Variants in FSHR observed in about 807,000 individuals in gnomAD.
The protein encoded by FSHR is follicle stimulating hormone receptor.
FSHR carries 46 observed loss-of-function variants against 52.1 expected under a neutral mutation model. That is an observed-to-expected ratio of 0.88 (90% CI 0.70 to 1.13). The LOEUF is 1.13. Among genes scored for constraint, FSHR ranks in the 50% most tolerant of loss-of-function variants. FSHR has a pLI of 0.00. For missense variants in FSHR, 964 were observed against 834.6 expected, an observed-to-expected ratio of 1.16 and a Z score of -1.91; for synonymous variants, 399 against 309.6, an observed-to-expected ratio of 1.29 and a Z score of -3.03.
chr2:48,982,347 C>T lies in FSHR; in HGVS notation c.668+565G>A, dbSNP rs74679209. On this transcript the variant is annotated intron_variant, in intron 8 of 9. Transcript: ENST00000406846. ...GGTGCTGATGCAGGGCTGTGAGGCA[C>T]GGAATGCATCCCAAGGGATTTGGAA... 3.5e-3 allele frequency among the ~76,000 whole-genome samples: 530 copies of T among 152,138 alleles called. 4 individuals are homozygous for T. The highest frequency in any genetic ancestry group is 0.012 in the African/African-American group (509 of 41,500).
chr2:49,042,335 A>G (rs959686197), intron 2 of FSHR, among the ~76,000 whole-genome samples: 1 of 152,166 alleles, frequency 6.6e-6, no homozygotes, highest in Non-Finnish European at 1.5e-5. Flanking sequence ...AAACCAGACT[A>G]GATAACAATG....
intron 1 of FSHR, among the ~76,000 whole-genome samples, chr2:49,076,474 T>C (rs969352247): frequency 2.0e-5 from 3 of 152,136 alleles, no homozygotes; most frequent in African/African-American, 7.2e-5. Flanking sequence ...ACTGGGTCCT[T>C]CCCATAACAC....
intron 4 of FSHR, among the ~76,000 whole-genome samples, chr2:48,997,953 C>T (rs999050888): frequency 1.3e-5 from 2 of 152,096 alleles, no homozygotes; most frequent in Non-Finnish European, 2.9e-5. Context: ...CTCTAATTGC[C>T]TTCTGCTTCC....
intron 1 of FSHR, among the ~76,000 whole-genome samples, chr2:49,114,942 C>G (rs915900061): frequency 1.3e-5 from 2 of 151,688 alleles, no homozygotes; most frequent in Admixed American, 6.6e-5. Flanking sequence ...GCAATCATTG[C>G]CCAGTGCTAA....
intron 1 of FSHR, among the ~76,000 whole-genome samples, chr2:49,089,025 A>G (rs2103684062): frequency 6.6e-6 from 1 of 152,074 alleles, no homozygotes; most frequent in East Asian, 1.9e-4. Context: ...GCATAAAACT[A>G]TAATAGATTC....
At chr2:49,150,387 T>C (rs1673019224) in intron 1 of FSHR, among the ~76,000 whole-genome samples, 1 of 152,224 alleles carries the variant, frequency 6.6e-6, no homozygotes, top group African/African-American at 2.4e-5. Context: ...TCATATCTCT[T>C]GACTGACTTG....
At chr2:49,105,494 G>T (rs1358621257) in intron 1 of FSHR, among the ~76,000 whole-genome samples, 1 of 151,962 alleles carries the variant, frequency 6.6e-6, no homozygotes, top group Non-Finnish European at 1.5e-5. Flanking sequence ...AAAAACAAAG[G>T]TTGGCAATTA....
At chr2:49,007,088 A>C (rs1032082199) in intron 4 of FSHR, among the ~76,000 whole-genome samples, 4 of 152,120 alleles carry the variant, frequency 2.6e-5, no homozygotes, top group Admixed American at 2.6e-4. Flanking sequence ...TCACTTCAAA[A>C]AGGATGGAGG....
At chr2:49,127,879 TCTTCTTC>T (rs1672112758) in intron 1 of FSHR, among the ~76,000 whole-genome samples, 1 of 49,066 alleles carries the variant, frequency 2.0e-5, no homozygotes, top group East Asian at 8.5e-4. Flanking sequence ...TTCTTCTTCT[TCTTCTTC>T]TTCTTCTTCT....
In FSHR at chr2:49,140,622, C is replaced by T. The variant is rs559196301; in HGVS notation, c.152+13644G>A. Among the ~76,000 whole-genome samples the T allele has an allele frequency of 4.6e-5, 7 of 152,010 alleles. No individual in the cohort carries two copies. The South Asian group carries it at 1.5e-3, about 32-fold the overall frequency. ...GGCTGAGGCAGGAGAATCACTTGAA[C>T]CCAAGAGGCAGAGGTTGCAGTGAGC... is the stretch of plus-strand genomic sequence containing the variant. On this transcript the variant is annotated intron_variant, in intron 1 of 9. Coordinates refer to ENST00000406846, the MANE Select transcript of FSHR (RefSeq NM_000145.4).
intron 1 of FSHR, among the ~76,000 whole-genome samples, chr2:49,112,512 C>G (rs1350319132): frequency 6.6e-6 from 1 of 152,116 alleles, no homozygotes. Flanking sequence ...ATTTGCTGTA[C>G]ATTTTTTAAT....
intron 1 of FSHR, among the ~76,000 whole-genome samples, chr2:49,130,263 A>G (rs1224654908): frequency 6.6e-6 from 1 of 152,182 alleles, no homozygotes; most frequent in African/African-American, 2.4e-5. Context: ...CATACTTAAC[A>G]TGGGTGAGCC....
chr2:49,041,771 C>G (rs572903397), intron 2 of FSHR, among the ~76,000 whole-genome samples: 1 of 151,712 alleles, frequency 6.6e-6, no homozygotes, highest in South Asian at 2.1e-4. Flanking sequence ...AACTTCCTTC[C>G]TTTCTCAGCA....
intron 2 of FSHR, among the ~76,000 whole-genome samples, chr2:49,023,993 A>G (rs995792969): frequency 2.0e-5 from 3 of 152,188 alleles, no homozygotes; most frequent in Non-Finnish European, 4.4e-5. Context: ...GAATAAGCAT[A>G]CAGAATTTGG....
intron 1 of FSHR, among the ~76,000 whole-genome samples, chr2:49,069,448 T>C (rs1669647278): frequency 1.3e-5 from 2 of 152,146 alleles, no homozygotes; most frequent in South Asian, 2.1e-4. Flanking sequence ...CCAGACCCTC[T>C]TTCCTGCTGC....
chr2:49,031,694 GC>G (rs1481580315), intron 2 of FSHR, among the ~76,000 whole-genome samples: 1 of 152,188 alleles, frequency 6.6e-6, no homozygotes, highest in African/African-American at 2.4e-5. Flanking sequence ...CAGCCAGGCA[GC>G]AGAGGTAGCA....
chr2:49,022,770 T>G (rs1182540839), intron 2 of FSHR, among the ~76,000 whole-genome samples: 1 of 152,140 alleles, frequency 6.6e-6, no homozygotes, highest in African/African-American at 2.4e-5. Context: ...ATTTGTCAAG[T>G]CTTTTCCAGA....
At chr2:49,089,742 T>A (rs1670531891) in intron 1 of FSHR, among the ~76,000 whole-genome samples, 1 of 139,374 alleles carries the variant, frequency 7.2e-6, no homozygotes, top group Non-Finnish European at 1.7e-5. Flanking sequence ...CAGTTCCTAA[T>A]TTGACAGTAG....
intron 4 of FSHR, among the ~76,000 whole-genome samples, chr2:49,005,782 A>T (rs1302830709): frequency 6.6e-6 from 1 of 152,156 alleles, no homozygotes; most frequent in Non-Finnish European, 1.5e-5. Context: ...GATTATGGCA[A>T]CTGCCCTGTG....
Sources: gnomAD v4.1 joint callset for allele counts (sites outside exome capture counted in the v4.1 genomes callset) on GRCh38, gnomAD v4.1.1 for gene constraint, MANE v1.5 for transcripts, NCBI Gene and HGNC (gene_info 2026-07-23, HGNC 2026-07-21) for gene names.